The following CRISPLD2 variants were observed in gnomAD, a reference collection of about 807,000 sequenced individuals.
The protein encoded by CRISPLD2 is cysteine rich secretory protein LCCL domain containing 2.
A neutral mutation model predicts 71.1 loss-of-function variants in CRISPLD2; 47 were observed. That is an observed-to-expected ratio of 0.66 (90% CI 0.52 to 0.84). The LOEUF is 0.84. CRISPLD2 is among the 40% of genes least tolerant of loss of function. The pLI is 0.00. For missense variants in CRISPLD2, 830 were observed against 651.1 expected (o/e 1.27, Z -2.99); for synonymous variants, 317 against 250.1 (o/e 1.27, Z -2.52).
chr16:84,897,921 C>A (rs1282483114), intron 14 of CRISPLD2, among the ~76,000 whole-genome samples: 1 of 152,224 alleles, frequency 6.6e-6, no homozygotes. Context: ...CCGGCTTAAA[C>A]ACGCTTTTTA....
chr16:84,826,277 C>T (rs1916350015), intron 1 of CRISPLD2, among the ~76,000 whole-genome samples: 1 of 152,196 alleles, frequency 6.6e-6, no homozygotes, highest in Non-Finnish European at 1.5e-5. Context: ...CAGGAAGGCC[C>T]CTTAAGAACA....
At chr16:84,875,257 A>ATATGTGTG (rs1555564055) in intron 11 of CRISPLD2, among the ~76,000 whole-genome samples, 2,655 of 148,302 alleles carry the variant, frequency 0.018, 85 homozygotes, top group African/African-American at 0.064. Context: ...ATATATACAT[A>ATATGTGTG]TGTGTGTGTG....
At chr16:84,877,286 T>A (rs1250963307) in intron 11 of CRISPLD2, 152 bp from the exon 12 acceptor site, 4 of 577,302 alleles carry the variant, frequency 6.9e-6, no homozygotes, top group Non-Finnish European at 1.2e-5. Flanking sequence ...CTACGTGGGG[T>A]ACGAGGAGCC....
Position 84,845,372 on chromosome 16 carries a change from C to T in CRISPLD2, c.241-414C>T, listed in dbSNP as rs149665183. Among the ~76,000 whole-genome samples, 1,142 of 152,184 alleles carry T rather than the reference C, an allele frequency of 7.5e-3. 12 individuals are homozygous for T. Among genetic ancestry groups the T allele is most frequent in the African/African-American group, 0.026 (1,081 of 41,520 alleles). ...TAGTAAGGAGAGGAAGCCTGGTGTG[C>T]CTGGAACATGCATAAGGAGAGGAGA... On this transcript the variant is annotated intron_variant, in intron 2 of 14. Transcript: ENST00000262424.
chr16:84,829,913 G>C (rs768672362), intron 1 of CRISPLD2, among the ~76,000 whole-genome samples: 6 of 152,238 alleles, frequency 3.9e-5, no homozygotes, highest in Admixed American at 3.9e-4. Context: ...CGTTGGCGTG[G>C]GTTTGGTGAT....
At chr16:84,847,389 T>C (rs369116474) in intron 3 of CRISPLD2, among the ~76,000 whole-genome samples, 54 of 152,306 alleles carry the variant, frequency 3.5e-4, no homozygotes, top group South Asian at 6.2e-4. Flanking sequence ...AGGTGGCTCA[T>C]GCCTGTAATC....
At chr16:84,880,962 C>T (rs527765849) in intron 13 of CRISPLD2, among the ~76,000 whole-genome samples, 3 of 152,252 alleles carry the variant, frequency 2.0e-5, no homozygotes, top group East Asian at 3.9e-4. Flanking sequence ...ACCTCTGCCT[C>T]CCAAAGTGCT....
At chr16:84,858,992 T>A (rs1917313967) in intron 6 of CRISPLD2, among the ~76,000 whole-genome samples, 1 of 152,206 alleles carries the variant, frequency 6.6e-6, no homozygotes, top group South Asian at 2.1e-4. Context: ...TGAACGGGGA[T>A]GTGGGAATCA....
At chr16:84,896,040 CTTT>C (rs540789413) in intron 14 of CRISPLD2, among the ~76,000 whole-genome samples, 9 of 140,222 alleles carry the variant, frequency 6.4e-5, no homozygotes, top group Admixed American at 7.2e-5. Flanking sequence ...GATTGGAATC[CTTT>C]TTTTTTTTTT....
At chr16:84,888,627 G>A (rs534439062) in intron 13 of CRISPLD2, among the ~76,000 whole-genome samples, 280 of 152,280 alleles carry the variant, frequency 1.8e-3, no homozygotes, top group Non-Finnish European at 1.7e-3. Flanking sequence ...CTCCTGCCAC[G>A]CTCTGCCTGA....
chr16:84,832,602 C>T (rs1226955026), intron 1 of CRISPLD2, among the ~76,000 whole-genome samples: 1 of 152,254 alleles, frequency 6.6e-6, no homozygotes, highest in East Asian at 1.9e-4. Flanking sequence ...CCGTGCTCCT[C>T]GGGCTGAGTC....
At chr16:84,846,055 C>G in intron 3 of CRISPLD2, 151 bp downstream of exon 3, 1 of 577,992 alleles carries the variant, frequency 1.7e-6, no homozygotes, top group Non-Finnish European at 3.1e-6. Flanking sequence ...GGCTTGGCAT[C>G]CAGGAACACT....
rs1597450166 is a variant in CRISPLD2, at chr16:84,838,427, A to G, written c.-69A>G. 1.3e-6 allele frequency: 2 copies of G among 1,559,784 alleles called. No individual in the cohort carries two copies. Among genetic ancestry groups the G allele is most frequent in the East Asian group, 2.3e-5 (1 of 44,396 alleles). On this transcript the variant is annotated 5_prime_UTR_variant, in exon 2 of 15. Transcript: ENST00000262424. ...CACCCTCTGCTTCCTTTCAGAGCTC[A>G]AGCGCCCAGCTCTGCCCGAGGAGCC...
intron 2 of CRISPLD2, among the ~76,000 whole-genome samples, chr16:84,843,911 G>T (rs552632130): frequency 6.6e-6 from 1 of 152,196 alleles, no homozygotes; most frequent in African/African-American, 2.4e-5. Context: ...GCTGGGACAC[G>T]GGGAGAGAGG....
At chr16:84,848,819 T>C (rs1303947640) in intron 3 of CRISPLD2, among the ~76,000 whole-genome samples, 1 of 151,852 alleles carries the variant, frequency 6.6e-6, no homozygotes, top group African/African-American at 2.4e-5. Context: ...GGCTGGATAG[T>C]TTTTCTCCAA....
At chr16:84,828,676 T>C (rs1916414307) in intron 1 of CRISPLD2, among the ~76,000 whole-genome samples, 1 of 152,222 alleles carries the variant, frequency 6.6e-6, no homozygotes, top group South Asian at 2.1e-4. Context: ...ATTTATTACC[T>C]GGTCCCTTAA....
chr16:84,857,877 C>A (rs1917283626), intron 6 of CRISPLD2, among the ~76,000 whole-genome samples: 1 of 152,206 alleles, frequency 6.6e-6, no homozygotes, highest in Non-Finnish European at 1.5e-5. Context: ...CTCAATCACA[C>A]ATATGCCACT....
chr16:84,825,898 A>T (rs2143134061), intron 1 of CRISPLD2, among the ~76,000 whole-genome samples: 1 of 152,206 alleles, frequency 6.6e-6, no homozygotes, highest in Non-Finnish European at 1.5e-5. Flanking sequence ...CTGAGGCTGC[A>T]GTGAGCAGTG....
chr16:84,896,134 G>A (rs1248606492), intron 14 of CRISPLD2, among the ~76,000 whole-genome samples: 4 of 151,842 alleles, frequency 2.6e-5, no homozygotes, highest in African/African-American at 9.7e-5. Context: ...TGCCTCCTGG[G>A]TTCAGTGATT....
Sources: gnomAD v4.1 joint callset for allele counts (sites outside exome capture counted in the v4.1 genomes callset) on GRCh38, gnomAD v4.1.1 for gene constraint, MANE v1.5 for transcripts, NCBI Gene and HGNC (gene_info 2026-07-23, HGNC 2026-07-21) for gene names.